The following TAFA1 variants were observed in gnomAD, a reference collection of about 807,000 sequenced individuals.
TAFA1 encodes TAFA chemokine like family member 1.
Under a neutral mutation model 18.5 loss-of-function variants are expected in TAFA1, and 4 were observed. The observed-to-expected ratio is 0.22, with a 90% CI of 0.11 to 0.49. The LOEUF (loss-of-function observed/expected upper bound fraction) is 0.49, where lower values mean the gene tolerates loss of function less well. Ranked by LOEUF, TAFA1 falls within the 20% of genes least tolerant of loss-of-function variation. The probability of loss-of-function intolerance (pLI) is 0.98; values close to 1 mark genes in which losing one functional copy is unlikely to be tolerated. For missense variants in TAFA1, 147 were observed against 169.0 expected (o/e 0.87, Z 0.72); for synonymous variants, 56 against 55.2 (o/e 1.01, Z -0.06).
intron 2 of TAFA1, among the ~76,000 whole-genome samples, chr3:68,389,660 C>T (rs981787623): frequency 6.6e-6 from 1 of 152,046 alleles, no homozygotes; most frequent in African/African-American, 2.4e-5. Flanking sequence ...AACTGAGGTA[C>T]CTGGCTGATC....
At chr3:68,062,089 A>C (rs2064610237) in intron 2 of TAFA1, among the ~76,000 whole-genome samples, 1 of 152,198 alleles carries the variant, frequency 6.6e-6, no homozygotes, top group Non-Finnish European at 1.5e-5. Context: ...TACATTTCTA[A>C]CAGCCAAAAC....
intron 2 of TAFA1, among the ~76,000 whole-genome samples, chr3:68,330,151 C>A (rs1181340308): frequency 6.6e-6 from 1 of 152,134 alleles, no homozygotes; most frequent in Non-Finnish European, 1.5e-5. Flanking sequence ...GTATCATGGG[C>A]AAATGGTCAA....
chr3:68,279,352 C>T (rs1245145968), intron 2 of TAFA1, among the ~76,000 whole-genome samples: 2 of 152,138 alleles, frequency 1.3e-5, no homozygotes, highest in African/African-American at 4.8e-5. Context: ...GTAGCCACTA[C>T]TTTATGCTTC....
intron 2 of TAFA1, among the ~76,000 whole-genome samples, chr3:68,351,429 A>G (rs1230823063): frequency 6.6e-6 from 1 of 152,064 alleles, no homozygotes; most frequent in African/African-American, 2.4e-5. Flanking sequence ...TCAATGCAGT[A>G]GAGGGGTTTT....
At chr3:68,299,527 A>G (rs2068268406) in intron 2 of TAFA1, among the ~76,000 whole-genome samples, 1 of 152,260 alleles carries the variant, frequency 6.6e-6, no homozygotes, top group Admixed American at 6.5e-5. Flanking sequence ...ACAATGCAAT[A>G]GAAAGTAAAA....
chr3:68,428,827 T>G (rs1219234631), intron 3 of TAFA1, among the ~76,000 whole-genome samples: 2 of 151,990 alleles, frequency 1.3e-5, no homozygotes, highest in East Asian at 3.9e-4. Context: ...TAGAGTGACC[T>G]GTACATGCTA....
At chr3:68,096,949 C>G (rs1423184376) in intron 2 of TAFA1, among the ~76,000 whole-genome samples, 1 of 151,990 alleles carries the variant, frequency 6.6e-6, no homozygotes, top group African/African-American at 2.4e-5. Context: ...AGGTGTATAC[C>G]CCTAGGCACC....
chr3:68,249,049 C>A (rs1277066853), intron 2 of TAFA1, among the ~76,000 whole-genome samples: 1 of 152,086 alleles, frequency 6.6e-6, no homozygotes, highest in Non-Finnish European at 1.5e-5. Flanking sequence ...TCTTCTTCAG[C>A]CTCTTGAACC....
At chr3:68,221,399 T>C (rs1399844725) in intron 2 of TAFA1, among the ~76,000 whole-genome samples, 1 of 152,178 alleles carries the variant, frequency 6.6e-6, no homozygotes, top group Admixed American at 6.5e-5. Context: ...GATAAGAGAG[T>C]AGATTGGCTC....
chr3:68,327,861 A>G (rs141176533), intron 2 of TAFA1, among the ~76,000 whole-genome samples: 2 of 152,352 alleles, frequency 1.3e-5, no homozygotes, highest in East Asian at 3.9e-4. Flanking sequence ...ATTAGTCTCC[A>G]TAATGAAAAA....
chr3:68,021,362 GCTATAGTT>G (rs1704686771), intron 2 of TAFA1, among the ~76,000 whole-genome samples: 1 of 152,022 alleles, frequency 6.6e-6, no homozygotes, highest in African/African-American at 2.4e-5. Flanking sequence ...TTATAATTGT[GCTATAGTT>G]CTATTAAAAG....
intron 3 of TAFA1, among the ~76,000 whole-genome samples, chr3:68,527,795 C>G (rs1215385788): frequency 6.6e-6 from 1 of 152,026 alleles, no homozygotes; most frequent in African/African-American, 2.4e-5. Flanking sequence ...TAACTTTTGT[C>G]TCAAATACCT....
chr3:68,171,469 A>G (rs2066052533), intron 2 of TAFA1, among the ~76,000 whole-genome samples: 1 of 152,188 alleles, frequency 6.6e-6, no homozygotes, highest in Non-Finnish European at 1.5e-5. Flanking sequence ...GATTTGTTTC[A>G]CAGCAATAGA....
chr3:68,261,523 C>G (rs1325648930), intron 2 of TAFA1, among the ~76,000 whole-genome samples: 1 of 152,108 alleles, frequency 6.6e-6, no homozygotes, highest in Non-Finnish European at 1.5e-5. Context: ...CCCAAATGTC[C>G]AACAACAATA....
rs189203264 is a variant in TAFA1, at chr3:68,420,711, C to T, written c.259+3291C>T. 8.5e-5 allele frequency among the ~76,000 whole-genome samples: 13 copies of T among 152,230 alleles called. No homozygotes were observed. In the East Asian group the frequency reaches 2.5e-3, roughly 29 times the overall value. Reference sequence around the variant, plus strand: ...AGAGGCCATGAATCCTATTGAACATCCTGCAATGCCCAGGACAACCCCTGC... The same window carrying T: ...AGAGGCCATGAATCCTATTGAACATTCTGCAATGCCCAGGACAACCCCTGC... On this transcript the variant is annotated intron_variant, in intron 3 of 4. Coordinates refer to ENST00000478136, the MANE Select transcript of TAFA1 (RefSeq NM_213609.4).
chr3:68,044,358 A>C (rs1705226046), intron 2 of TAFA1, among the ~76,000 whole-genome samples: 1 of 152,188 alleles, frequency 6.6e-6, no homozygotes, highest in South Asian at 2.1e-4. Flanking sequence ...AATGATGATT[A>C]CATATCTGTT....
chr3:68,112,795 G>A (rs2065276608), intron 2 of TAFA1, among the ~76,000 whole-genome samples: 1 of 151,710 alleles, frequency 6.6e-6, no homozygotes, highest in Admixed American at 6.6e-5. Context: ...AGAAAAAAAT[G>A]AATTAAAAAT....
chr3:68,437,181 C>T (rs1303808784), intron 3 of TAFA1, among the ~76,000 whole-genome samples: 1 of 152,120 alleles, frequency 6.6e-6, no homozygotes, highest in Non-Finnish European at 1.5e-5. Context: ...AGCCTTCTAA[C>T]AGGCAATGCA....
chr3:68,140,428 C>T (rs752718554), intron 2 of TAFA1, among the ~76,000 whole-genome samples: 6 of 152,276 alleles, frequency 3.9e-5, no homozygotes, highest in East Asian at 3.9e-4. Flanking sequence ...AGGAATCATA[C>T]GTTTTCCTCC....
Sources: allele counts gnomAD v4.1 joint callset (sites outside exome capture counted in the v4.1 genomes callset), GRCh38; gene constraint gnomAD v4.1.1; transcripts MANE v1.5; gene names NCBI Gene and HGNC (gene_info 2026-07-23, HGNC 2026-07-21).